Variants in ADAM21 observed in about 807,000 individuals in gnomAD.
The protein encoded by ADAM21 is ADAM metallopeptidase domain 21, also known as disintegrin and metalloproteinase domain-containing protein 21.
For synonymous variants in ADAM21, 262 were observed against 306.0 expected (o/e 0.86, Z 1.50); for missense variants, 678 against 874.4 (o/e 0.78, Z 2.83).
In ADAM21 at chr14:70,458,782, G is replaced by A. The variant is rs151108421; in HGVS notation, c.1283G>A (p.Cys428Tyr). The A allele has an allele frequency of 6.2e-7, 1 of 1,614,090 alleles. No homozygotes were observed. Among genetic ancestry groups the A allele is most frequent in the Non-Finnish European group, 8.5e-7 (1 of 1,180,042 alleles). The change falls in exon 2 of 2, where the codon TGT (cysteine) becomes TAT (tyrosine). Residue 428 changes from cysteine (C) to tyrosine (Y), a missense_variant. Coordinates refer to ENST00000603540, the MANE Select transcript of ADAM21 (RefSeq NM_003813.4). ...TGTGACTGTGGATCCGTACAGCAGT[G>A]TGAACAAGACGCCTGTTGTCTGTTG... ...EQCDCGSVQQ[C>Y]EQDACCLLNC...
Position 70,459,588 on chromosome 14 carries a change from T to C in ADAM21, c.2089T>C (p.Phe697Leu), listed in dbSNP as rs200614050. ...GATTCCTTCTTTGTCTGTTTTGACT[T>C]TCCTGTTTACTGTCGGGCTTCTTAT... Reference protein sequence around the residue: ...IVIPSLSVLTFLFTVGLLMYL... With the variant: ...IVIPSLSVLTLLFTVGLLMYL... The change falls in exon 2 of 2, where the codon TTC becomes CTC. Residue 697 changes from phenylalanine to leucine, a missense_variant. Phe to Leu is a conservative substitution (Grantham distance 22). Coordinates refer to ENST00000603540, the MANE Select transcript of ADAM21 (RefSeq NM_003813.4). 8.0e-5 allele frequency: 129 copies of C among 1,614,100 alleles called. No individual in the cohort carries two copies. The highest frequency in any genetic ancestry group is 1.6e-4 in the Middle Eastern group (1 of 6,084).
chr14:70,458,684 T>A lies in ADAM21; in HGVS notation c.1185T>A (p.His395Gln), dbSNP rs550372274. ...KTTLNQGSCL[H>Q]NPPRLGEIFM... ...CCTTAAACCAGGGATCATGTCTGCA[T>A]AATCCTCCAAGATTGGGGGAAATCT... Residue 395 changes from histidine to glutamine, a missense_variant, in exon 2 of 2, where the codon CAT (histidine) becomes CAA (glutamine). Physicochemically the swap from His to Gln is conservative, Grantham distance 24. Transcript: ENST00000603540. The A allele has an allele frequency of 1.3e-4, 207 of 1,613,964 alleles. 1 individual carries two copies. The highest frequency in any genetic ancestry group is 1.1e-3 in the African/African-American group (83 of 74,960).
At position 70,458,452 on chromosome 14, in the gene ADAM21, C is replaced by A; in HGVS notation, c.953C>A (p.Pro318Gln). 1 of 1,614,002 alleles carries A rather than the reference C, an allele frequency of 6.2e-7. No homozygotes were observed. Among genetic ancestry groups the A allele is most frequent in the East Asian group, 2.2e-5 (1 of 44,870 alleles). ...GLAYVAGICR[P>Q]PIDCGVDNFQ... Reference sequence around the variant, plus strand: ...GCCTATGTTGCAGGAATATGTCGTCCACCTATTGATTGTGGAGTTGATAAT... The same window carrying A: ...GCCTATGTTGCAGGAATATGTCGTCAACCTATTGATTGTGGAGTTGATAAT... Residue 318 changes from proline (P) to glutamine (Q), a missense_variant, in exon 2 of 2, where the codon CCA (proline) becomes CAA (glutamine). Coordinates refer to ENST00000603540, the MANE Select transcript of ADAM21 (RefSeq NM_003813.4).
Position 70,458,154 on chromosome 14 carries a change from G to C in ADAM21, c.655G>C (p.Asp219His), listed in dbSNP as rs1882451961. ...GGAGCTAGTTGTTGTGGTGAACCAT[G>C]ATTTCTTCATTTACTCTCAAAGCAA... ...FLELVVVVNH[D>H]FFIYSQSNIS... The change falls in exon 2 of 2, where the codon GAT becomes CAT. Residue 219 changes from aspartate to histidine, a missense_variant. Physicochemically the swap from Asp to His is moderately conservative, Grantham distance 81. Transcript: ENST00000603540. The C allele has an allele frequency of 6.2e-7, 1 of 1,607,746 alleles. No individual in the cohort carries two copies.
chr14:70,456,155 T>A (rs1882401744), intron 1 of ADAM21, among the ~76,000 whole-genome samples: 1 of 152,138 alleles, frequency 6.6e-6, no homozygotes, highest in Non-Finnish European at 1.5e-5. Context: ...AAAAAAGTCA[T>A]GAAATACATA....
rs1348596960 is a variant in ADAM21 at position 70,457,615 on chromosome 14, C to A, written c.116C>A (p.Ser39Tyr). Residue 39 changes from serine (S) to tyrosine (Y), a missense_variant, in exon 2 of 2, where the codon TCC (serine) becomes TAC (tyrosine). Coordinates refer to ENST00000603540, the MANE Select transcript of ADAM21 (RefSeq NM_003813.4). The stretch of plus-strand genomic sequence containing the variant: ...GCTGGGCCCTCCCAGCATTTCACTT[C>A]CCCGGAAGTGGTGATCCCCTTGAAG... ...CQAGPSQHFT[S>Y]PEVVIPLKVI... The A allele has an allele frequency of 6.2e-7, 1 of 1,613,948 alleles. No homozygotes were observed. Among genetic ancestry groups the A allele is most frequent in the Non-Finnish European group, 8.5e-7 (1 of 1,179,936 alleles).
rs1224903073 is a variant in ADAM21 at position 70,458,963 on chromosome 14, A to G, written c.1464A>G (p.Arg488=). ...NGTSHQCPED[R]YVQDGIPCSD... The stretch of plus-strand genomic sequence containing the variant: ...CATCTCATCAGTGTCCAGAAGATAG[A>G]TATGTGCAGGACGGGATCCCCTGTA... The change falls in exon 2 of 2, where the codon AGA becomes AGG. Residue 488 remains arginine, a synonymous_variant. Transcript: ENST00000603540. 3.7e-6 allele frequency: 6 copies of G among 1,614,030 alleles called. No homozygotes were observed. In the Admixed American group the frequency reaches 1.0e-4, roughly 27 times the overall value.
At position 70,459,768 on chromosome 14, in the gene ADAM21, T is replaced by C. The variant is rs560360929; in HGVS notation, c.*100T>C. 2 of 1,412,558 alleles carry C rather than the reference T, an allele frequency of 1.4e-6. No homozygotes were observed. The highest frequency in any genetic ancestry group is 4.6e-5 in the East Asian group (2 of 43,704). 87.5% of individuals were successfully genotyped at this position (1,412,558 alleles called of 1,614,324 possible). Reference sequence around the variant, plus strand: ...CTGAAACTGAGCACATTTCTGACCATTTCCAGAAAGCTGCAAAGATCTTCC... The same window carrying C: ...CTGAAACTGAGCACATTTCTGACCACTTCCAGAAAGCTGCAAAGATCTTCC... On this transcript the variant is annotated 3_prime_UTR_variant, in exon 2 of 2. Transcript: ENST00000603540.
chr14:70,456,253 CT>C (rs766417317), intron 1 of ADAM21, among the ~76,000 whole-genome samples: 8 of 152,156 alleles, frequency 5.3e-5, no homozygotes, highest in Non-Finnish European at 8.8e-5. Flanking sequence ...TTATTTAATG[CT>C]CTGTATTTTG....
At chr14:70,455,727 T>A (rs1203717740) in intron 1 of ADAM21, among the ~76,000 whole-genome samples, 2 of 152,162 alleles carry the variant, frequency 1.3e-5, no homozygotes, top group Admixed American at 1.3e-4. Context: ...GTATGTTTAA[T>A]AAAAATTCAT....
In ADAM21 at chr14:70,459,257, T is replaced by C; in HGVS notation, c.1758T>C (p.Asn586=). The change falls in exon 2 of 2, where the codon AAT becomes AAC. Residue 586 remains asparagine (N), a synonymous_variant. Coordinates refer to ENST00000603540, the MANE Select transcript of ADAM21 (RefSeq NM_003813.4). ...DHFTLQHTHI[N]GVTCWGIDYH... The stretch of plus-strand genomic sequence containing the variant: ...TTACTTTGCAGCACACTCATATCAA[T>C]GGTGTCACCTGCTGGGGTATTGACT... The C allele has an allele frequency of 6.2e-7, 1 of 1,614,154 alleles. No individual in the cohort carries two copies. The highest frequency in any genetic ancestry group is 1.1e-5 in the South Asian group (1 of 91,084).
At position 70,457,533 on chromosome 14, in the gene ADAM21, G is replaced by T. The variant is rs986906959; in HGVS notation, c.34G>T (p.Val12Phe). 26 of 1,601,126 alleles carry T rather than the reference G, an allele frequency of 1.6e-5. No homozygotes were observed. Among genetic ancestry groups the T allele is most frequent in the Non-Finnish European group, 2.2e-5 (26 of 1,174,404 alleles). ...AVDGTLVYIR[V>F]TLLLLWLGVF... ...GGATGGGACCCTCGTGTACATCAGAGTCACTCTTCTGCTGCTCTGGCTTGG... is the reference window on the plus strand; with the variant it reads ...GGATGGGACCCTCGTGTACATCAGATTCACTCTTCTGCTGCTCTGGCTTGG... The change falls in exon 2 of 2, where the codon GTC becomes TTC. Residue 12 changes from valine (V) to phenylalanine (F), a missense_variant. Physicochemically the swap from Val to Phe is conservative, Grantham distance 50. Transcript: ENST00000603540.
chr14:70,459,162 A>G lies in ADAM21; in HGVS notation c.1663A>G (p.Ile555Val). The change falls in exon 2 of 2, where the codon ATC becomes GTC. Residue 555 changes from isoleucine to valine, a missense_variant. By Grantham distance (29) the Ile-to-Val change is conservative (BLOSUM62 3). Transcript: ENST00000603540. ...INGTTYLKCH[I>V]SDVFCGRVQC... Reference sequence around the variant, plus strand: ...TGGCACAACATACCTAAAATGTCATATCTCTGATGTCTTTTGTGGGAGAGT... The same window carrying G: ...TGGCACAACATACCTAAAATGTCATGTCTCTGATGTCTTTTGTGGGAGAGT... The G allele has an allele frequency of 6.2e-7, 1 of 1,613,654 alleles. No individual in the cohort carries two copies. Among genetic ancestry groups the G allele is most frequent in the Non-Finnish European group, 8.5e-7 (1 of 1,179,762 alleles).
In ADAM21 at chr14:70,458,483, A is replaced by G. The variant is rs766028127; in HGVS notation, c.984A>G (p.Gln328=). 3 of 1,614,002 alleles carry G rather than the reference A, an allele frequency of 1.9e-6. No individual in the cohort carries two copies. In the South Asian group the frequency reaches 3.3e-5, roughly 18 times the overall value. The part of the protein sequence containing the change: ...PPIDCGVDNF[Q]GDTWSLFANT... ...TTGATTGTGGAGTTGATAATTTTCAAGGAGATACCTGGTCTCTTTTTGCCA... is the reference window on the plus strand; with the variant it reads ...TTGATTGTGGAGTTGATAATTTTCAGGGAGATACCTGGTCTCTTTTTGCCA... Residue 328 remains glutamine, a synonymous_variant, in exon 2 of 2, where the codon CAA becomes CAG. Coordinates refer to ENST00000603540, the MANE Select transcript of ADAM21 (RefSeq NM_003813.4).
rs1401455530 is a variant in ADAM21 at position 70,457,793 on chromosome 14, C to G, written c.294C>G (p.Leu98=). ...PVFTYTDDRA[L]LEDQLFIPDD... Reference sequence around the variant, plus strand: ...TCACCTACACAGATGACCGTGCACTCCTGGAGGATCAGCTCTTCATCCCAG... The same window carrying G: ...TCACCTACACAGATGACCGTGCACTGCTGGAGGATCAGCTCTTCATCCCAG... The change falls in exon 2 of 2, where the codon CTC becomes CTG. Residue 98 remains leucine, a synonymous_variant. Transcript: ENST00000603540. 2.7e-5 allele frequency: 44 copies of G among 1,613,176 alleles called. No homozygotes were observed. The highest frequency in any genetic ancestry group is 3.7e-5 in the Non-Finnish European group (44 of 1,179,704).
At chr14:70,454,829 CA>C (rs1163574128) in intron 1 of ADAM21, among the ~76,000 whole-genome samples, 1 of 152,158 alleles carries the variant, frequency 6.6e-6, no homozygotes, top group African/African-American at 2.4e-5. Context: ...TTTTATCAGT[CA>C]GAGGCCAGAG....
Position 70,457,796 on chromosome 14 carries a change from G to A in ADAM21, c.297G>A (p.Leu99=), listed in dbSNP as rs574090912. The part of the protein sequence containing the change: ...VFTYTDDRAL[L]EDQLFIPDDC... ...CCTACACAGATGACCGTGCACTCCTGGAGGATCAGCTCTTCATCCCAGATG... is the reference window on the plus strand; with the variant it reads ...CCTACACAGATGACCGTGCACTCCTAGAGGATCAGCTCTTCATCCCAGATG... Residue 99 remains leucine (L), a synonymous_variant, in exon 2 of 2, where the codon CTG becomes CTA. Coordinates refer to ENST00000603540, the MANE Select transcript of ADAM21 (RefSeq NM_003813.4). 7.4e-6 allele frequency: 12 copies of A among 1,613,284 alleles called. No individual in the cohort carries two copies. In the Admixed American group the frequency reaches 2.0e-4, roughly 27 times the overall value.
chr14:70,457,885 T>G lies in ADAM21; in HGVS notation c.386T>G (p.Phe129Cys), dbSNP rs72735759. The change falls in exon 2 of 2, where the codon TTT (phenylalanine) becomes TGT (cysteine). Residue 129 changes from phenylalanine (F) to cysteine (C), a missense_variant. By Grantham distance (205) the Phe-to-Cys change is radical. Coordinates refer to ENST00000603540, the MANE Select transcript of ADAM21 (RefSeq NM_003813.4). ...PESLVVFSAC[F>C]GGFRGVLKIS... ...TCTCTGGTTGTGTTCAGTGCTTGTT[T>G]TGGGGGCTTTCGAGGAGTATTAAAA... 71,255 of 1,369,004 alleles carry G rather than the reference T, an allele frequency of 0.052. 1,641 individuals carry two copies. Among genetic ancestry groups the G allele is most frequent in the Middle Eastern group, 0.061 (347 of 5,692 alleles). 84.8% of individuals were successfully genotyped at this position (1,369,004 alleles called of 1,614,324 possible). A position where few individuals can be genotyped will look rare whatever the true frequency, so the allele number is the denominator to read the frequency against.
chr14:70,457,435 C>A lies in ADAM21; in HGVS notation c.-65C>A. 1 of 1,600,588 alleles carries A rather than the reference C, an allele frequency of 6.2e-7. No homozygotes were observed. The highest frequency in any genetic ancestry group is 8.5e-7 in the Non-Finnish European group (1 of 1,172,916). Reference sequence around the variant, plus strand: ...AGCAGCTTAGAGGGAGAAGCCAGACCAGCAGTGCCTCACACCTTGTCCTCT... The same window carrying A: ...AGCAGCTTAGAGGGAGAAGCCAGACAAGCAGTGCCTCACACCTTGTCCTCT... On this transcript the variant is annotated 5_prime_UTR_variant, in exon 2 of 2. Coordinates refer to ENST00000603540, the MANE Select transcript of ADAM21 (RefSeq NM_003813.4).
Sources: allele counts gnomAD v4.1 joint callset (sites outside exome capture counted in the v4.1 genomes callset), GRCh38; gene constraint gnomAD v4.1.1; transcripts MANE v1.5; gene names NCBI Gene and HGNC (gene_info 2026-07-23, HGNC 2026-07-21).